Variants in DHX57 observed in about 807,000 individuals in gnomAD.
DHX57 encodes DExH-box helicase 57, also known as putative ATP-dependent RNA helicase DHX57.
Under a neutral mutation model 156.2 loss-of-function variants are expected in DHX57, and 105 were observed. The ratio of observed to expected loss-of-function variants is 0.67; its 90% CI spans 0.57 to 0.79. DHX57 has a LOEUF of 0.79. Ranked by LOEUF, DHX57 falls within the 30% of genes least tolerant of loss-of-function variation. The probability of loss-of-function intolerance (pLI) is 0.00; values close to 1 mark genes in which losing one functional copy is unlikely to be tolerated. For missense variants in DHX57, 1,847 were observed against 1,661.9 expected (o/e 1.11, Z -1.94); for synonymous variants, 704 against 595.6 (o/e 1.18, Z -2.65).
At chr2:38,854,790 G>T in intron 8 of DHX57, 1 of 303,890 alleles carries the variant, frequency 3.3e-6, no homozygotes, top group Non-Finnish European at 6.3e-6. Flanking sequence ...TCGAACTCCC[G>T]ACCTCAGGTG....
intron 23 of DHX57, among the ~76,000 whole-genome samples, chr2:38,800,857 G>A (rs1032070542): frequency 6.6e-6 from 1 of 152,130 alleles, no homozygotes; most frequent in Non-Finnish European, 1.5e-5. Flanking sequence ...CTTATCTAAT[G>A]TCTATATGAA....
At chr2:38,802,279 C>A (rs1244500194) in intron 23 of DHX57, among the ~76,000 whole-genome samples, 2 of 145,074 alleles carry the variant, frequency 1.4e-5, no homozygotes, top group African/African-American at 5.0e-5. Flanking sequence ...CATTGTAGAC[C>A]ATCATTCACT....
At chr2:38,875,607 G>A (rs373826888) in intron 1 of DHX57, among the ~76,000 whole-genome samples, 180 bp downstream of exon 1, 5 of 152,276 alleles carry the variant, frequency 3.3e-5, no homozygotes, top group African/African-American at 1.2e-4. Flanking sequence ...TCAGGGCCTG[G>A]GATCCTGCTG....
intron 16 of DHX57, among the ~76,000 whole-genome samples, chr2:38,825,170 T>C (rs898544644): frequency 2.0e-5 from 3 of 152,270 alleles, no homozygotes; most frequent in African/African-American, 7.2e-5. Context: ...CCAATCTATA[T>C]ACACACAATT....
chr2:38,828,234 A>T, intron 14 of DHX57, 106 bp downstream of exon 14: 2 of 723,564 alleles, frequency 2.8e-6, no homozygotes, highest in Non-Finnish European at 4.2e-6. Context: ...GGCATAAACA[A>T]ATGTATGCTC....
intron 13 of DHX57, among the ~76,000 whole-genome samples, chr2:38,830,752 C>T (rs1671338555): frequency 6.6e-6 from 1 of 152,108 alleles, no homozygotes; most frequent in African/African-American, 2.4e-5. Context: ...GCATCAGATC[C>T]ATGTTCTTTC....
At chr2:38,848,020 T>C (rs1031334349) in intron 10 of DHX57, among the ~76,000 whole-genome samples, 4 of 151,470 alleles carry the variant, frequency 2.6e-5, no homozygotes, top group Non-Finnish European at 5.9e-5. Context: ...GAGGCAGAGG[T>C]TGCAGTGAGC....
intron 21 of DHX57, among the ~76,000 whole-genome samples, chr2:38,808,862 A>C (rs1670088842): frequency 6.6e-6 from 1 of 152,004 alleles, no homozygotes; most frequent in African/African-American, 2.4e-5. Context: ...GGCCTTACGC[A>C]GTCCTCCCAC....
At chr2:38,810,648 G>C (rs907408168) in intron 21 of DHX57, 10 of 670,012 alleles carry the variant, frequency 1.5e-5, no homozygotes, top group Non-Finnish European at 2.5e-5. Context: ...CTTCCACTCG[G>C]TCCTGGGACT....
At chr2:38,809,917 G>A (rs554916775) in intron 21 of DHX57, among the ~76,000 whole-genome samples, 13 of 151,416 alleles carry the variant, frequency 8.6e-5, no homozygotes, top group East Asian at 7.8e-4. Flanking sequence ...TTTTTGAGAC[G>A]GAGTCATGTT....
chr2:38,844,952 T>A (rs193067466), intron 11 of DHX57, among the ~76,000 whole-genome samples: 29 of 152,260 alleles, frequency 1.9e-4, no homozygotes, highest in African/African-American at 7.0e-4. Context: ...AATGAAAATT[T>A]CTAAGAATAG....
intron 9 of DHX57, among the ~76,000 whole-genome samples, chr2:38,852,171 T>C (rs1268497721): frequency 1.3e-5 from 2 of 151,914 alleles, no homozygotes; most frequent in East Asian, 1.9e-4. Context: ...CTTCTGGTTA[T>C]ATGCCTTCTC....
At position 38,823,187 on chromosome 2, in the gene DHX57, G is replaced by C; in HGVS notation, c.3097C>G (p.Leu1033Val). 1 of 1,614,182 alleles carries C rather than the reference G, an allele frequency of 6.2e-7. No individual in the cohort carries two copies. The highest frequency in any genetic ancestry group is 8.5e-7 in the Non-Finnish European group (1 of 1,180,044). ...RLIEPPHTDS[L>V]RASKIRLRDL... ...CGTAATCGTATTTTTGAGGCACGAA[G>C]AGAATCGGTGTGTGGAGGTTCAATG... The change falls in exon 17 of 24, where the codon CTT becomes GTT. Residue 1033 changes from leucine (L) to valine (V), a missense_variant. Coordinates refer to ENST00000457308, the MANE Select transcript of DHX57 (RefSeq NM_198963.3).
chr2:38,859,482 T>C (rs1387012722), intron 5 of DHX57, among the ~76,000 whole-genome samples: 1 of 152,182 alleles, frequency 6.6e-6, no homozygotes, highest in Non-Finnish European at 1.5e-5. Context: ...CATAATTCTA[T>C]AAAAATACTA....
intron 8 of DHX57, 169 bp downstream of exon 8, chr2:38,854,888 C>G: frequency 1.5e-6 from 1 of 668,906 alleles, no homozygotes; most frequent in South Asian, 2.1e-5. Context: ...CAAAATATTT[C>G]TAAATATTTC....
chr2:38,799,578 C>A (rs1669569671), intron 23 of DHX57, among the ~76,000 whole-genome samples: 1 of 148,164 alleles, frequency 6.7e-6, no homozygotes, highest in Admixed American at 6.7e-5. Context: ...TGGAGAAACC[C>A]CATCTCTACT....
chr2:38,810,110 G>T (rs1670164453), intron 21 of DHX57, among the ~76,000 whole-genome samples: 2 of 151,632 alleles, frequency 1.3e-5, no homozygotes, highest in South Asian at 4.2e-4. Context: ...GGCCAGGCTG[G>T]TCTCAAACTC....
At chr2:38,842,778 G>C (rs529172349) in intron 12 of DHX57, among the ~76,000 whole-genome samples, 1 of 152,004 alleles carries the variant, frequency 6.6e-6, no homozygotes, top group African/African-American at 2.4e-5. Flanking sequence ...TCTCTAATGA[G>C]CACATATTTC....
At chr2:38,807,523 A>G (rs1670014418) in intron 21 of DHX57, among the ~76,000 whole-genome samples, 1 of 151,280 alleles carries the variant, frequency 6.6e-6, no homozygotes, top group African/African-American at 2.4e-5. Flanking sequence ...ACACCCGGCT[A>G]ATTTTTTGTA....
Sources: gnomAD v4.1 joint callset for allele counts (sites outside exome capture counted in the v4.1 genomes callset) on GRCh38, gnomAD v4.1.1 for gene constraint, MANE v1.5 for transcripts, NCBI Gene and HGNC (gene_info 2026-07-23, HGNC 2026-07-21) for gene names.